RAB2A: variants seen among roughly 807,000 people sequenced by gnomAD.
RAB2A encodes RAB2A, member RAS oncogene family.
A neutral mutation model predicts 32.5 loss-of-function variants in RAB2A; 7 were observed. That is an observed-to-expected ratio of 0.22 (90% CI 0.12 to 0.40). The LOEUF is 0.40. RAB2A is among the 10% of genes least tolerant of loss of function. RAB2A has a pLI of 1.00. For missense variants in RAB2A, 108 were observed against 260.7 expected (o/e 0.41, Z 4.03); for synonymous variants, 79 against 85.2 (o/e 0.93, Z 0.40).
intron 1 of RAB2A, among the ~76,000 whole-genome samples, chr8:60,517,551 G>T (rs1310466912): frequency 1.3e-5 from 2 of 152,100 alleles, no homozygotes; most frequent in African/African-American, 4.8e-5. Context: ...GCGCAGGGCC[G>T]CCGGGGCCCG....
At chr8:60,518,299 C>T (rs1807243573) in intron 1 of RAB2A, among the ~76,000 whole-genome samples, 1 of 152,098 alleles carries the variant, frequency 6.6e-6, no homozygotes, top group South Asian at 2.1e-4. Context: ...CTTTGCACAA[C>T]TTCGGTCATG....
At chr8:60,522,670 A>T (rs984404356) in intron 1 of RAB2A, among the ~76,000 whole-genome samples, 1 of 152,170 alleles carries the variant, frequency 6.6e-6, no homozygotes, top group African/African-American at 2.4e-5. Flanking sequence ...GAGAGACTTG[A>T]GGTTGAAAGG....
intron 5 of RAB2A, 192 bp from the exon 6 acceptor site, chr8:60,591,666 G>T (rs1563480453): frequency 2.5e-6 from 1 of 406,318 alleles, no homozygotes. Flanking sequence ...CTGTTGGATT[G>T]TTAGTTCTTT....
chr8:60,536,835 G>A (rs1015624089), intron 1 of RAB2A, among the ~76,000 whole-genome samples: 11 of 152,150 alleles, frequency 7.2e-5, no homozygotes, highest in African/African-American at 1.4e-4. Context: ...GTTGAGTGGC[G>A]CAGTGGGGGA....
intron 6 of RAB2A, among the ~76,000 whole-genome samples, chr8:60,603,745 A>G (rs1233284293): frequency 6.6e-6 from 1 of 152,128 alleles, no homozygotes; most frequent in Admixed American, 6.6e-5. Flanking sequence ...ATGAGTGCAA[A>G]TGTCATAGCT....
At chr8:60,569,139 G>A (rs954828625) in intron 2 of RAB2A, among the ~76,000 whole-genome samples, 2 of 152,130 alleles carry the variant, frequency 1.3e-5, no homozygotes, top group South Asian at 2.1e-4. Flanking sequence ...GTTTGTTTTC[G>A]CTTTGATAGG....
intron 2 of RAB2A, among the ~76,000 whole-genome samples, chr8:60,559,838 G>A (rs1181418294): frequency 1.3e-5 from 2 of 152,116 alleles, no homozygotes; most frequent in Non-Finnish European, 2.9e-5. Flanking sequence ...ACTATTTATA[G>A]CATGTTGATC....
chr8:60,532,707 A>G (rs148290081), intron 1 of RAB2A, among the ~76,000 whole-genome samples: 225 of 152,232 alleles, frequency 1.5e-3, no homozygotes, highest in African/African-American at 5.3e-3. Context: ...ACAAGGTTTC[A>G]CTTTGTTGCC....
intron 1 of RAB2A, among the ~76,000 whole-genome samples, chr8:60,541,582 A>T (rs1807646113): frequency 6.6e-6 from 1 of 152,144 alleles, no homozygotes. Context: ...CCAGCTACTC[A>T]GCAGGCTGAG....
intron 1 of RAB2A, among the ~76,000 whole-genome samples, chr8:60,550,791 C>T (rs1402311541): frequency 6.6e-6 from 1 of 152,170 alleles, no homozygotes; most frequent in Non-Finnish European, 1.5e-5. Flanking sequence ...TGAAAACTCT[C>T]CAGTGAATCC....
chr8:60,592,349 A>G (rs966935258), intron 6 of RAB2A, among the ~76,000 whole-genome samples: 7 of 152,108 alleles, frequency 4.6e-5, no homozygotes, highest in Non-Finnish European at 1.0e-4. Context: ...CTGGGAACCC[A>G]CTGTACTCAA....
chr8:60,553,444 G>A (rs1807887304), intron 1 of RAB2A, among the ~76,000 whole-genome samples: 1 of 152,186 alleles, frequency 6.6e-6, no homozygotes, highest in African/African-American at 2.4e-5. Context: ...TAGCCAAACT[G>A]ATGCATCAAA....
intron 1 of RAB2A, among the ~76,000 whole-genome samples, chr8:60,526,047 A>ATATATATG (rs1807380992): frequency 2.5e-5 from 3 of 121,588 alleles, no homozygotes; most frequent in Non-Finnish European, 5.0e-5. Context: ...ATATATATAT[A>ATATATATG]TATATATATA....
At chr8:60,610,734 A>G (rs1804328027) in intron 6 of RAB2A, among the ~76,000 whole-genome samples, 1 of 152,224 alleles carries the variant, frequency 6.6e-6, no homozygotes, top group South Asian at 2.1e-4. Context: ...TGAAAGTTGC[A>G]TCCATTTTCT....
intron 1 of RAB2A, among the ~76,000 whole-genome samples, chr8:60,544,680 G>A (rs967164961): frequency 6.6e-6 from 1 of 151,158 alleles, no homozygotes; most frequent in South Asian, 2.1e-4. Flanking sequence ...ATAGGTGTGA[G>A]CCCCTGGCCT....
intron 1 of RAB2A, among the ~76,000 whole-genome samples, chr8:60,527,758 T>C (rs115486352): frequency 1.8e-3 from 267 of 152,332 alleles, no homozygotes; most frequent in African/African-American, 6.0e-3. Context: ...AGTATGTTCA[T>C]GTATATACTT....
intron 1 of RAB2A, among the ~76,000 whole-genome samples, chr8:60,536,762 T>C (rs905635362): frequency 6.6e-6 from 1 of 152,212 alleles, no homozygotes; most frequent in Non-Finnish European, 1.5e-5. Context: ...AACATTCTTT[T>C]TGGTTAGCAA....
Position 60,555,829 on chromosome 8 carries a change from G to C in RAB2A, c.47-3023G>C, listed in dbSNP as rs1807929616. Among the ~76,000 whole-genome samples the C allele has an allele frequency of 2.0e-5, 3 of 152,170 alleles. No homozygotes were observed. In the South Asian group the frequency reaches 6.2e-4, roughly 31 times the overall value. ...AGAACTAAAAACAAAACTACCATAT[G>C]ATCCAGCAGTCCCACTACTGGGTAT... On this transcript the variant is annotated intron_variant, in intron 1 of 7. Transcript: ENST00000262646.
intron 6 of RAB2A, among the ~76,000 whole-genome samples, chr8:60,609,313 G>A (rs559593720): frequency 6.6e-6 from 1 of 152,312 alleles, no homozygotes; most frequent in East Asian, 1.9e-4. Context: ...ACACCAGCAT[G>A]TCTTCCTTCT....
Sources: allele counts gnomAD v4.1 joint callset (sites outside exome capture counted in the v4.1 genomes callset), GRCh38; gene constraint gnomAD v4.1.1; transcripts MANE v1.5; gene names NCBI Gene and HGNC (gene_info 2026-07-23, HGNC 2026-07-21).